GRM5: variants seen among roughly 807,000 people sequenced by gnomAD.
The protein encoded by GRM5 is metabotropic glutamate receptor 5.
Under a neutral mutation model 83.1 loss-of-function variants are expected in GRM5, and 19 were observed. That is an observed-to-expected ratio of 0.23 (90% CI 0.16 to 0.34). The LOEUF (loss-of-function observed/expected upper bound fraction) is 0.34, where lower values mean the gene tolerates loss of function less well. Ranked by LOEUF, GRM5 falls within the 10% of genes least tolerant of loss-of-function variation. The probability of loss-of-function intolerance (pLI) is 1.00; values close to 1 mark genes in which losing one functional copy is unlikely to be tolerated. For missense variants in GRM5, 1,160 were observed against 1,588.3 expected (o/e 0.73, Z 4.58); for synonymous variants, 675 against 633.6 (o/e 1.07, Z -0.98).
intron 2 of GRM5, among the ~76,000 whole-genome samples, chr11:88,933,633 AATCT>A (rs1267778227): frequency 6.6e-6 from 1 of 151,858 alleles, no homozygotes; most frequent in Non-Finnish European, 1.5e-5. Flanking sequence ...GTCGTAAATC[AATCT>A]AACACCACAC....
chr11:88,736,344 T>A (rs1941913913), intron 3 of GRM5, among the ~76,000 whole-genome samples: 1 of 152,062 alleles, frequency 6.6e-6, no homozygotes, highest in South Asian at 2.1e-4. Flanking sequence ...TTTATGATTA[T>A]CCAACCCTTA....
At chr11:88,880,930 T>A (rs1944941464) in intron 2 of GRM5, among the ~76,000 whole-genome samples, 1 of 152,148 alleles carries the variant, frequency 6.6e-6, no homozygotes, top group Non-Finnish European at 1.5e-5. Context: ...TCTTATAGAA[T>A]TGTTGTGAAA....
At chr11:88,923,697 T>C (rs1945733936) in intron 2 of GRM5, among the ~76,000 whole-genome samples, 1 of 151,910 alleles carries the variant, frequency 6.6e-6, no homozygotes, top group Non-Finnish European at 1.5e-5. Flanking sequence ...AAAAAGAGTA[T>C]AGTTGGAATG....
chr11:88,882,454 G>A (rs1403869185), intron 2 of GRM5, among the ~76,000 whole-genome samples: 7 of 149,032 alleles, frequency 4.7e-5, no homozygotes, highest in South Asian at 2.1e-4. Context: ...CCAGCTACTC[G>A]GGAGGCTGGG....
intron 3 of GRM5, among the ~76,000 whole-genome samples, chr11:88,720,569 T>G (rs1205872263): frequency 6.6e-6 from 1 of 152,138 alleles, no homozygotes; most frequent in Admixed American, 6.6e-5. Flanking sequence ...GTCAAAACAG[T>G]TTTAGCTGAA....
intron 4 of GRM5, among the ~76,000 whole-genome samples, 174 bp downstream of exon 4, chr11:88,652,992 GAT>G (rs1296709688): frequency 6.6e-6 from 1 of 152,016 alleles, no homozygotes; most frequent in Non-Finnish European, 1.5e-5. Flanking sequence ...TACTTGCTCT[GAT>G]ATGTTTTTCC....
chr11:88,898,585 C>A (rs1385120430), intron 2 of GRM5, among the ~76,000 whole-genome samples: 1 of 151,792 alleles, frequency 6.6e-6, no homozygotes, highest in East Asian at 1.9e-4. Flanking sequence ...ATCACAGGTG[C>A]TCAAATATAT....
At chr11:88,626,307 G>C (rs1219125950) in intron 4 of GRM5, among the ~76,000 whole-genome samples, 1 of 152,136 alleles carries the variant, frequency 6.6e-6, no homozygotes. Flanking sequence ...GAATTTCACA[G>C]ATGTAAAACG....
At chr11:88,674,007 TGA>T (rs1940258772) in intron 3 of GRM5, among the ~76,000 whole-genome samples, 1 of 151,854 alleles carries the variant, frequency 6.6e-6, no homozygotes, top group African/African-American at 2.4e-5. Context: ...AGAGAAGCAC[TGA>T]GAGGATTCAA....
chr11:88,764,298 C>T (rs1483255143), intron 3 of GRM5, among the ~76,000 whole-genome samples: 5 of 151,414 alleles, frequency 3.3e-5, no homozygotes, highest in African/African-American at 1.2e-4. Flanking sequence ...ATGATTACAA[C>T]AACAAGACAA....
intron 2 of GRM5, among the ~76,000 whole-genome samples, chr11:88,972,433 T>A (rs1398503814): frequency 6.6e-6 from 1 of 152,192 alleles, no homozygotes; most frequent in African/African-American, 2.4e-5. Context: ...ACTTTTTGTG[T>A]TTCTTTTCTC....
At chr11:88,678,062 A>AT (rs11413890) in intron 3 of GRM5, among the ~76,000 whole-genome samples, 137,815 of 146,944 alleles carry the variant, frequency 0.94, 64,698 homozygotes, top group South Asian at 0.98. Flanking sequence ...TAATTTCTGA[A>AT]TTTTTTTTTT....
At chr11:88,777,433 T>G (rs980743508) in intron 3 of GRM5, among the ~76,000 whole-genome samples, 3 of 152,210 alleles carry the variant, frequency 2.0e-5, no homozygotes, top group African/African-American at 7.2e-5. Flanking sequence ...TGCAGCCTAC[T>G]TCTGTCAAAT....
intron 3 of GRM5, among the ~76,000 whole-genome samples, chr11:88,696,894 A>G (rs1046156814): frequency 6.6e-6 from 1 of 152,216 alleles, no homozygotes; most frequent in Non-Finnish European, 1.5e-5. Context: ...TTTCGTGTCA[A>G]ATGATTGTGA....
In GRM5 at chr11:88,997,673, C is replaced by T. The variant is rs190139959; in HGVS notation, c.661+49539G>A. Among the ~76,000 whole-genome samples the T allele has an allele frequency of 2.4e-3, 371 of 151,988 alleles. 2 individuals carry two copies. The highest frequency in any genetic ancestry group is 8.5e-3 in the African/African-American group (353 of 41,482). On this transcript the variant is annotated intron_variant, in intron 2 of 9. Transcript: ENST00000305447. ...AATAGTAAGGGGATACTACAAATAG[C>T]GCTACAAACACATACTTGAAAACTT...
chr11:88,770,565 TATAAC>T (rs1240644506), intron 3 of GRM5, among the ~76,000 whole-genome samples: 1 of 152,118 alleles, frequency 6.6e-6, no homozygotes, highest in Non-Finnish European at 1.5e-5. Flanking sequence ...TAATTGATGA[TATAAC>T]TAAATAGTTC....
At chr11:88,745,198 CTT>C (rs71046261) in intron 3 of GRM5, among the ~76,000 whole-genome samples, 3 of 86,472 alleles carry the variant, frequency 3.5e-5, no homozygotes, top group East Asian at 5.9e-4. Context: ...TTTTATTTTT[CTT>C]TTTTTTTTTT....
At chr11:88,718,999 TCAAA>T (rs3058882) in intron 3 of GRM5, among the ~76,000 whole-genome samples, 129,496 of 151,332 alleles carry the variant, frequency 0.86, 56,956 homozygotes, top group Non-Finnish European at 0.97. Context: ...CTATCCCTTG[TCAAA>T]CAAACACTAT....
At chr11:88,823,158 T>C (rs1312972793) in intron 3 of GRM5, among the ~76,000 whole-genome samples, 22 of 151,740 alleles carry the variant, frequency 1.4e-4, no homozygotes, top group Admixed American at 1.4e-3. Flanking sequence ...CTCGATTTGT[T>C]TCTTCATACC....
Sources: gnomAD v4.1 joint callset for allele counts (sites outside exome capture counted in the v4.1 genomes callset) on GRCh38, gnomAD v4.1.1 for gene constraint, MANE v1.5 for transcripts, NCBI Gene and HGNC (gene_info 2026-07-23, HGNC 2026-07-21) for gene names.